The following P4HA3 variants were observed in gnomAD, a reference collection of about 807,000 sequenced individuals.
The protein encoded by P4HA3 is prolyl 4-hydroxylase subunit alpha 3.
In P4HA3, 60 loss-of-function variants were observed where a neutral mutation model predicts 66.7. The observed-to-expected ratio is 0.90, with a 90% CI of 0.73 to 1.12. P4HA3 has a LOEUF of 1.12. P4HA3 is among the 50% of genes most tolerant of loss of function. P4HA3 has a pLI of 0.00. For synonymous variants in P4HA3, 263 were observed against 274.6 expected (o/e 0.96, Z 0.42); for missense variants, 683 against 685.8 (o/e 1.00, Z 0.05).
exon 15 of P4HA3, chr11:74,259,953 G>C (rs1859882373): frequency 6.6e-6 from 1 of 152,212 alleles, no homozygotes; most frequent in Non-Finnish European, 1.5e-5. Flanking sequence ...TCAGATGACA[G>C]TTCTATGTTT....
chr11:74,253,897 T>C (rs1176327749), intron 15 of P4HA3: 1 of 327,322 alleles, frequency 3.1e-6, no homozygotes, highest in South Asian at 5.9e-5. Flanking sequence ...TTCCTTGAGA[T>C]TGTCTTGGCA....
chr11:74,305,407 A>C (rs1372951232), intron 1 of P4HA3, among the ~76,000 whole-genome samples: 1 of 152,118 alleles, frequency 6.6e-6, no homozygotes, highest in Non-Finnish European at 1.5e-5. Flanking sequence ...CTTAGTGTAG[A>C]TTTAATTTTA....
intron 10 of P4HA3, among the ~76,000 whole-genome samples, chr11:74,271,462 T>C (rs565707587): frequency 2.6e-4 from 40 of 152,306 alleles, no homozygotes; most frequent in African/African-American, 9.1e-4. Context: ...GCATGGGCTG[T>C]AAGAACAGTG....
chr11:74,256,467 G>A (rs1483890753), intron 15 of P4HA3, among the ~76,000 whole-genome samples: 2 of 152,162 alleles, frequency 1.3e-5, no homozygotes, highest in African/African-American at 4.8e-5. Flanking sequence ...CCACAGCCAC[G>A]GCCAGAGTGG....
chr11:74,296,728 C>T (rs1424283866), intron 4 of P4HA3, among the ~76,000 whole-genome samples: 1 of 152,124 alleles, frequency 6.6e-6, no homozygotes. Context: ...TTGGGTACAA[C>T]ATTTGAAACT....
At chr11:74,304,150 T>C in intron 2 of P4HA3, 120 bp downstream of exon 2, 1 of 1,300,874 alleles carries the variant, frequency 7.7e-7, no homozygotes. Context: ...CTAAGGATAT[T>C]AAGTAATACC....
At chr11:74,297,152 C>T (rs1037939120) in intron 4 of P4HA3, among the ~76,000 whole-genome samples, 4 of 151,924 alleles carry the variant, frequency 2.6e-5, no homozygotes, top group African/African-American at 4.8e-5. Flanking sequence ...TGGGGTTTCT[C>T]CATGTTGGTC....
intron 3 of P4HA3, among the ~76,000 whole-genome samples, chr11:74,299,208 C>A (rs759003135): frequency 6.6e-6 from 1 of 152,176 alleles, no homozygotes; most frequent in Non-Finnish European, 1.5e-5. Flanking sequence ...ACGTACCAGA[C>A]ACAGCTCCTG....
chr11:74,269,782 T>C, intron 10 of P4HA3, 62 bp from the exon 11 acceptor site: 1 of 1,497,028 alleles, frequency 6.7e-7, no homozygotes, highest in Non-Finnish European at 9.3e-7. Context: ...CCCTGTCATA[T>C]GATGTCACAT....
chr11:74,266,250 C>T (rs1039494324), downstream of P4HA3, among the ~76,000 whole-genome samples: 1 of 151,726 alleles, frequency 6.6e-6, no homozygotes. Flanking sequence ...TACAGTCATC[C>T]CTCAGCATCC....
intron 7 of P4HA3, among the ~76,000 whole-genome samples, chr11:74,284,645 T>C (rs1446502687): frequency 6.6e-6 from 1 of 152,180 alleles, no homozygotes; most frequent in Non-Finnish European, 1.5e-5. Flanking sequence ...CAGAGATGTC[T>C]ATTTAGTCAT....
chr11:74,290,920 C>G (rs1239749348), intron 4 of P4HA3, among the ~76,000 whole-genome samples: 1 of 152,112 alleles, frequency 6.6e-6, no homozygotes, highest in Non-Finnish European at 1.5e-5. Flanking sequence ...ATTGACTTGG[C>G]GATGCGGGCT....
At position 74,258,009 on chromosome 11, in the gene P4HA3, AAG is replaced by A. The variant is rs556375574; in HGVS notation, c.*1318+1912_*1318+1913del. ...AAGATTTTACCAAGGGAAAAGCAAGAAGAGAGCCTACACTAGCAGCAGAGAAA... is the reference window on the plus strand; with the variant it reads ...AAGATTTTACCAAGGGAAAAGCAAGAAGAGCCTACACTAGCAGCAGAGAAA... On this transcript the variant is annotated intron_variant and NMD_transcript_variant, in intron 15 of 15. Transcript: ENST00000524388. Among the ~76,000 whole-genome samples, 197 of 152,322 alleles carry A rather than the reference AAG, an allele frequency of 1.3e-3. 2 individuals carry two copies. The highest frequency in any genetic ancestry group is 4.6e-3 in the African/African-American group (190 of 41,586).
At chr11:74,261,746 A>C (rs1313826599), downstream of P4HA3, among the ~76,000 whole-genome samples, 1 of 152,052 alleles carries the variant, frequency 6.6e-6, no homozygotes, top group East Asian at 1.9e-4. Flanking sequence ...AAAGGTCCTG[A>C]CCCAGAGGCA....
intron 15 of P4HA3, chr11:74,252,355 TGGGATTATA>T (rs1215373714): frequency 9.1e-6 from 4 of 439,810 alleles, no homozygotes; most frequent in African/African-American, 2.0e-5. Flanking sequence ...CCTAAAGTGT[TGGGATTATA>T]GGGATTATAG....
intron 11 of P4HA3, 117 bp from the exon 12 acceptor site, chr11:74,268,358 G>T: frequency 1.2e-6 from 1 of 840,660 alleles, no homozygotes; most frequent in Non-Finnish European, 1.9e-6. Context: ...TGCAGTCTGG[G>T]GGCAATGCAT....
Position 74,288,527 on chromosome 11 carries a change from A to G in P4HA3, c.769+552T>C, listed in dbSNP as rs143265288. Among the ~76,000 whole-genome samples, 31 of 152,292 alleles carry G rather than the reference A, an allele frequency of 2.0e-4. No homozygotes were observed. In the East Asian group the frequency reaches 6.0e-3, roughly 29 times the overall value. On this transcript the variant is annotated intron_variant, in intron 5 of 12. Coordinates refer to ENST00000331597, the MANE Select transcript of P4HA3 (RefSeq NM_182904.5). ...ACTAATATATCATTGATTGGTTGGA[A>G]GAAGGAAGGGACAGGTTGATATCTT... is the stretch of plus-strand genomic sequence containing the variant.
chr11:74,263,557 G>A (rs1859943803), downstream of P4HA3, among the ~76,000 whole-genome samples: 1 of 152,160 alleles, frequency 6.6e-6, no homozygotes, highest in East Asian at 1.9e-4. Context: ...ATGACTTCAG[G>A]CAAGTTATAT....
At chr11:74,263,196 C>A (rs954986869), downstream of P4HA3, among the ~76,000 whole-genome samples, 1 of 152,218 alleles carries the variant, frequency 6.6e-6, no homozygotes, top group African/African-American at 2.4e-5. Context: ...GTGAGCAGGT[C>A]GTCTTCTTTT....
Sources: allele counts gnomAD v4.1 joint callset (sites outside exome capture counted in the v4.1 genomes callset), GRCh38; gene constraint gnomAD v4.1.1; transcripts MANE v1.5; gene names NCBI Gene and HGNC (gene_info 2026-07-23, HGNC 2026-07-21).